The following XNDC1N variants were observed in gnomAD, a reference collection of about 807,000 sequenced individuals.
XNDC1N encodes the protein XRCC1 N-terminal domain containing 1, N-terminal like, also known as protein XNDC1N.
chr11:71,895,056 G>A, the XNDC1N span, among the ~76,000 whole-genome samples: 1 of 151,942 alleles, frequency 6.6e-6, no homozygotes, highest in African/African-American at 2.4e-5. Context: ...TAAAAATGAT[G>A]AGGCCTGGGT....
At chr11:71,927,859 TG>T in the XNDC1N span, 1 of 152,370 alleles carries the variant, frequency 6.6e-6, no homozygotes, top group African/African-American at 2.4e-5. Context: ...ATGGGATGCC[TG>T]TGGATGATGT....
the XNDC1N span, chr11:71,865,533 T>A: frequency 1.8e-5 from 2 of 111,598 alleles, no homozygotes; most frequent in Non-Finnish European, 3.1e-5. Context: ...TTTCTTTTTA[T>A]TTTTAAGTGA....
chr11:71,897,624 C>T, the XNDC1N span, among the ~76,000 whole-genome samples: 3 of 152,048 alleles, frequency 2.0e-5, no homozygotes, highest in African/African-American at 7.3e-5. Flanking sequence ...AATGTAAAAC[C>T]GTGAAGGAGT....
chr11:71,918,952 G>A, the XNDC1N span: 1 of 702,850 alleles, frequency 1.4e-6, no homozygotes, highest in African/African-American at 1.7e-5. Flanking sequence ...GCCCACTCTT[G>A]TCCTGAGGGC....
the XNDC1N span, among the ~76,000 whole-genome samples, chr11:71,880,728 C>A: frequency 9.3e-4 from 142 of 152,230 alleles, 1 homozygote; most frequent in Non-Finnish European, 1.6e-3. Context: ...GCATTTATTT[C>A]AAGAACATTT....
chr11:71,917,644 G>A, the XNDC1N span: 4 of 703,364 alleles, frequency 5.7e-6, no homozygotes, highest in Non-Finnish European at 1.0e-5. Flanking sequence ...GCGGACCCCG[G>A]AGCGGTTCTT....
the XNDC1N span, among the ~76,000 whole-genome samples, chr11:71,871,465 T>C: frequency 4.6e-5 from 7 of 152,192 alleles, no homozygotes; most frequent in African/African-American, 1.7e-4. Flanking sequence ...CTGCACAGCA[T>C]GGTGAATATA....
the XNDC1N span, among the ~76,000 whole-genome samples, chr11:71,910,443 G>C: frequency 1.9e-4 from 29 of 152,308 alleles, no homozygotes; most frequent in African/African-American, 6.5e-4. Context: ...GTTTCCCCAA[G>C]GGTTCAAGAA....
the XNDC1N span, among the ~76,000 whole-genome samples, chr11:71,905,648 C>T: frequency 6.6e-6 from 1 of 151,904 alleles, no homozygotes; most frequent in African/African-American, 2.4e-5. Flanking sequence ...AGTGTACACA[C>T]ATGGTGTACA....
chr11:71,905,520 C>A, the XNDC1N span, among the ~76,000 whole-genome samples: 2 of 151,970 alleles, frequency 1.3e-5, no homozygotes, highest in Admixed American at 6.6e-5. Context: ...TGGGGGCACA[C>A]CCTCTGTGAT....
the XNDC1N span, among the ~76,000 whole-genome samples, chr11:71,910,628 G>T: frequency 0.015 from 2,243 of 152,228 alleles, 39 homozygotes; most frequent in African/African-American, 0.051. Context: ...ACTGTGGGTA[G>T]AAGGTGTCCA....
At chr11:71,910,673 T>C in the XNDC1N span, among the ~76,000 whole-genome samples, 2 of 152,164 alleles carry the variant, frequency 1.3e-5, no homozygotes, top group Non-Finnish European at 2.9e-5. Context: ...AGCAGGTACG[T>C]TACCTGGGAT....
At chr11:71,896,159 G>C in the XNDC1N span, among the ~76,000 whole-genome samples, 690 of 152,246 alleles carry the variant, frequency 4.5e-3, 6 homozygotes, top group African/African-American at 0.016. Context: ...TGTGCCTGTA[G>C]TCTCAGCTAC....
At chr11:71,926,884 A>G in the XNDC1N span, among the ~76,000 whole-genome samples, 9 of 151,844 alleles carry the variant, frequency 5.9e-5, no homozygotes, top group East Asian at 1.5e-3. Flanking sequence ...CTGGGTGACA[A>G]AGTGAGATTC....
At chr11:71,886,874 C>T in the XNDC1N span, among the ~76,000 whole-genome samples, 1 of 152,116 alleles carries the variant, frequency 6.6e-6, no homozygotes, top group East Asian at 1.9e-4. Context: ...GGGGCCCCCA[C>T]AAAGAGGCAA....
chr11:71,901,371 G>A, the XNDC1N span, among the ~76,000 whole-genome samples: 2 of 152,098 alleles, frequency 1.3e-5, no homozygotes, highest in Non-Finnish European at 2.9e-5. Flanking sequence ...GGCTGAGGCA[G>A]GCGAATCACA....
chr11:71,924,694 C>G, the XNDC1N span, among the ~76,000 whole-genome samples: 1 of 146,800 alleles, frequency 6.8e-6, no homozygotes, highest in East Asian at 2.0e-4. Context: ...AGAAAAAAAA[C>G]AAAAAAAAAA....
At chr11:71,880,180 G>A in the XNDC1N span, among the ~76,000 whole-genome samples, 5 of 151,966 alleles carry the variant, frequency 3.3e-5, no homozygotes, top group Middle Eastern at 3.2e-3. Context: ...CTAAATCTCA[G>A]GTATAAACCA....
the XNDC1N span, chr11:71,916,279 A>AG: frequency 2.9e-6 from 2 of 701,490 alleles, no homozygotes; most frequent in South Asian, 1.5e-5. Flanking sequence ...AAACAAAATC[A>AG]GGGGGGAATG....
Sources: allele counts gnomAD v4.1 joint callset (sites outside exome capture counted in the v4.1 genomes callset), GRCh38; gene constraint gnomAD v4.1.1; transcripts MANE v1.5; gene names NCBI Gene and HGNC (gene_info 2026-07-23, HGNC 2026-07-21).